Variants in CRABP2 observed in about 807,000 individuals in gnomAD.
CRABP2 encodes cellular retinoic acid-binding protein 2.
A neutral mutation model predicts 17.9 loss-of-function variants in CRABP2; 20 were observed. The observed-to-expected ratio is 1.12, with a 90% confidence interval of 0.79 to 1.63. The LOEUF is 1.63. Ranked by LOEUF, CRABP2 falls within the 40% of genes most tolerant of loss-of-function variation. CRABP2 has a pLI of 0.00. For missense variants in CRABP2, 151 were observed against 168.6 expected (o/e 0.90, Z 0.58); for synonymous variants, 76 against 66.4 (o/e 1.14, Z -0.70).
At chr1:156,704,634 C>T (rs1648141181) in intron 1 of CRABP2, among the ~76,000 whole-genome samples, 1 of 152,150 alleles carries the variant, frequency 6.6e-6, no homozygotes, top group Non-Finnish European at 1.5e-5. Context: ...GGGCTGCAGC[C>T]GATCTATGGT....
chr1:156,700,405 T>A, intron 3 of CRABP2, 137 bp downstream of exon 3: 1 of 737,112 alleles, frequency 1.4e-6, no homozygotes, highest in Non-Finnish European at 2.4e-6. Flanking sequence ...ACACCTTAGT[T>A]CTGTTCAAGC....
At chr1:156,704,377 C>T (rs905172802) in intron 1 of CRABP2, among the ~76,000 whole-genome samples, 76 of 152,224 alleles carry the variant, frequency 5.0e-4, no homozygotes, top group African/African-American at 1.6e-3. Context: ...GCCGAACTAC[C>T]GTCTCTCTGT....
chr1:156,700,199 C>T lies in CRABP2; in HGVS notation c.367-123G>A. 3.1e-6 allele frequency: 3 copies of T among 969,478 alleles called. No individual in the cohort carries two copies. In the East Asian group the frequency reaches 7.9e-5, roughly 25 times the overall value. The allele number at this position is 969,478 out of a possible 1,614,324, so 60.1% of individuals were successfully genotyped here. ...TCCAAACCTGCTTCTTGGCTCAAGA[C>T]CAACAGGCAGGAGCTGGTCCCAGAA... On this transcript the variant is annotated intron_variant, in intron 3 of 3. Coordinates refer to ENST00000368222, the MANE Select transcript of CRABP2 (RefSeq NM_001878.4).
At chr1:156,705,668 G>GC (rs770456545), upstream of CRABP2, 19,432 of 425,408 alleles carry the variant, frequency 0.046, 434 homozygotes, top group East Asian at 0.11. The surrounding 1 kb of genome is among the most constrained non-coding windows in gnomAD (Gnocchi z 5.2). Flanking sequence ...CTCCCGCTCC[G>GC]CCCCCCCCCA....
upstream of CRABP2, chr1:156,705,774 A>G (rs1648177630): frequency 3.4e-6 from 1 of 292,868 alleles, no homozygotes; most frequent in Non-Finnish European, 6.4e-6. The surrounding 1 kb of genome is among the most constrained non-coding windows in gnomAD (Gnocchi z 5.2). Flanking sequence ...CTCCTGCGCT[A>G]GTAAGTGGAT....
In CRABP2 at chr1:156,700,856, G is replaced by A. The variant is rs1648010282; in HGVS notation, c.249+18C>T. On this transcript the variant is annotated intron_variant, in intron 2 of 3. Coordinates refer to ENST00000368222, the MANE Select transcript of CRABP2 (RefSeq NM_001878.4). ...AGGGCAATGACGCCATGACCCTGGAGCCCCTTCTGGCACTCACCTTACAGG... is the reference window on the plus strand; with the variant it reads ...AGGGCAATGACGCCATGACCCTGGAACCCCTTCTGGCACTCACCTTACAGG... The A allele has an allele frequency of 1.2e-6, 2 of 1,610,090 alleles. No homozygotes were observed. The highest frequency in any genetic ancestry group is 1.7e-5 in the Admixed American group (1 of 59,856).
At chr1:156,701,364 C>G (rs1189732117) in intron 1 of CRABP2, among the ~76,000 whole-genome samples, 2 of 152,116 alleles carry the variant, frequency 1.3e-5, no homozygotes, top group African/African-American at 4.8e-5. Flanking sequence ...CACGTCTCAG[C>G]TCTTCAGTCC....
chr1:156,703,618 G>A (rs563719955), intron 1 of CRABP2, among the ~76,000 whole-genome samples: 1 of 152,266 alleles, frequency 6.6e-6, no homozygotes, highest in Non-Finnish European at 1.5e-5. Context: ...TTTCCCCTCA[G>A]TGCCAAAGCA....
rs748521295 is a variant in CRABP2, at chr1:156,700,872, ACCTTACAGGG to A, written c.241_249+1del. On this transcript the variant is annotated splice_donor_variant and coding_sequence_variant, in exon 2 of 4. Coordinates refer to ENST00000368222, the MANE Select transcript of CRABP2 (RefSeq NM_001878.4). LOFTEE classifies it high-confidence loss of function. ...GACCCTGGAGCCCCTTCTGGCACTC[ACCTTACAGGG>A]CCTCCCATCCACAGTCTGCTCCTCA... The A allele has an allele frequency of 4.8e-5, 78 of 1,612,330 alleles. No individual in the cohort carries two copies. Among genetic ancestry groups the A allele is most frequent in the Non-Finnish European group, 6.4e-5 (75 of 1,178,682 alleles).
chr1:156,702,914 G>A (rs1403247152), intron 1 of CRABP2, among the ~76,000 whole-genome samples: 1 of 148,700 alleles, frequency 6.7e-6, no homozygotes, highest in African/African-American at 2.5e-5. Context: ...GGAAGGCAAA[G>A]GGTCAGGTGC....
intron 1 of CRABP2, among the ~76,000 whole-genome samples, chr1:156,702,465 C>CA (rs1648064770): frequency 6.8e-6 from 1 of 147,876 alleles, no homozygotes; most frequent in Non-Finnish European, 1.5e-5. Flanking sequence ...TCAAAAAAAA[C>CA]AAAAAACAAA....
intron 1 of CRABP2, 78 bp from the exon 2 acceptor site, chr1:156,701,130 A>G (rs1648020214): frequency 6.6e-7 from 1 of 1,506,628 alleles, no homozygotes. Flanking sequence ...AGACAGTTGG[A>G]GCAGGCTGAT....
intron 3 of CRABP2, among the ~76,000 whole-genome samples, 154 bp downstream of exon 3, chr1:156,700,388 G>T (rs1647991741): frequency 6.6e-6 from 1 of 152,166 alleles, no homozygotes; most frequent in South Asian, 2.1e-4. Context: ...CACTGTATGG[G>T]ATAGGGACAC....
intron 1 of CRABP2, among the ~76,000 whole-genome samples, chr1:156,703,868 A>C (rs1232810995): frequency 6.6e-6 from 1 of 152,120 alleles, no homozygotes; most frequent in African/African-American, 2.4e-5. Flanking sequence ...GTGCCTGTGG[A>C]GCTGAGGGCC....
intron 1 of CRABP2, among the ~76,000 whole-genome samples, chr1:156,702,223 C>CAGCAGGACTGCTTAAGCCCA (rs1357307693): frequency 1.3e-5 from 2 of 151,258 alleles, no homozygotes. Flanking sequence ...GAGGCCGAGG[C>CAGCAGGACTGCTTAAGCCCA]GGGCGGATCA....
chr1:156,703,473 G>A (rs1005854129), intron 1 of CRABP2, among the ~76,000 whole-genome samples: 1 of 152,310 alleles, frequency 6.6e-6, no homozygotes, highest in East Asian at 1.9e-4. Context: ...CTGCCGCCCT[G>A]TCCTGGAGTA....
At chr1:156,702,390 G>A (rs1195820025) in intron 1 of CRABP2, among the ~76,000 whole-genome samples, 2 of 152,070 alleles carry the variant, frequency 1.3e-5, no homozygotes, top group East Asian at 1.9e-4. Context: ...CCGGGAGGCG[G>A]AGGTTGCAGT....
Position 156,700,612 on chromosome 1 carries a change from T to G in CRABP2, c.296A>C (p.Lys99Thr). 2 of 1,614,184 alleles carry G rather than the reference T, an allele frequency of 1.2e-6. No individual in the cohort carries two copies. The highest frequency in any genetic ancestry group is 1.7e-6 in the Non-Finnish European group (2 of 1,180,008). ...CTTGGGGCCCTCTCCCTTCAGGAGC[T>G]TCTGCTCACAGACCATTTTATTCTC... ...ESENKMVCEQ[K>T]LLKGEGPKTS... Residue 99 changes from lysine (K) to threonine (T), a missense_variant, in exon 3 of 4, where the codon AAG (lysine) becomes ACG (threonine). Coordinates refer to ENST00000368222, the MANE Select transcript of CRABP2 (RefSeq NM_001878.4).
Position 156,700,113 on chromosome 1 carries a change from C to T in CRABP2, c.367-37G>A, listed in dbSNP as rs774675527. 5.0e-6 allele frequency: 8 copies of T among 1,605,240 alleles called. No homozygotes were observed. The African/African-American group carries it at 5.4e-5, about 11-fold the overall frequency. On this transcript the variant is annotated intron_variant, in intron 3 of 3. Coordinates refer to ENST00000368222, the MANE Select transcript of CRABP2 (RefSeq NM_001878.4). ...GAAGTAGTTGTTAGCCTGAGAGGCC[C>T]CTGGGGTCCTGTGGCTTTGGAGAGG... is the stretch of plus-strand genomic sequence containing the variant.
Sources: allele counts gnomAD v4.1 joint callset (sites outside exome capture counted in the v4.1 genomes callset), GRCh38; gene constraint gnomAD v4.1.1; non-coding constraint Gnocchi (gnomAD v3.1); transcripts MANE v1.5; gene names NCBI Gene and HGNC (gene_info 2026-07-23, HGNC 2026-07-21).